SEC23A: variants seen among roughly 807,000 people sequenced by gnomAD.
SEC23A encodes the protein protein transport protein Sec23A.
In SEC23A, 56 loss-of-function variants were observed where a neutral mutation model predicts 103.7. The ratio of observed to expected loss-of-function variants is 0.54; its 90% CI spans 0.44 to 0.67. The LOEUF is 0.67. SEC23A is among the 30% of genes least tolerant of loss of function. SEC23A has a pLI of 0.00. For missense variants in SEC23A, 784 were observed against 936.4 expected (o/e 0.84, Z 2.12); for synonymous variants, 281 against 293.0 (o/e 0.96, Z 0.42).
intron 14 of SEC23A, among the ~76,000 whole-genome samples, chr14:39,053,287 T>C (rs1027336850): frequency 6.6e-6 from 1 of 152,334 alleles, no homozygotes; most frequent in African/African-American, 2.4e-5. Flanking sequence ...ATTGACGAGT[T>C]AACAGGTTTC....
intron 9 of SEC23A, among the ~76,000 whole-genome samples, chr14:39,070,704 A>G (rs1886813905): frequency 1.3e-5 from 2 of 152,188 alleles, no homozygotes; most frequent in African/African-American, 4.8e-5. Context: ...AATCTGATGA[A>G]ATCCACAGCT....
intron 7 of SEC23A, among the ~76,000 whole-genome samples, chr14:39,080,476 G>A (rs866060847): frequency 2.6e-5 from 4 of 152,040 alleles, no homozygotes; most frequent in Non-Finnish European, 5.9e-5. Context: ...ACATGATCTC[G>A]GCTCACTGCA....
At chr14:39,070,321 A>T (rs1886801854) in intron 9 of SEC23A, among the ~76,000 whole-genome samples, 2 of 152,218 alleles carry the variant, frequency 1.3e-5, no homozygotes, top group South Asian at 4.1e-4. Context: ...AGCCTAATTA[A>T]ATTATTTCAA....
chr14:39,071,630 C>A (rs376987909), intron 9 of SEC23A, among the ~76,000 whole-genome samples: 1 of 151,916 alleles, frequency 6.6e-6, no homozygotes, highest in East Asian at 1.9e-4. Flanking sequence ...TTTCGGAGGC[C>A]GAGGAAGGCA....
At chr14:39,090,039 T>C (rs552846677) in intron 5 of SEC23A, among the ~76,000 whole-genome samples, 59 of 152,300 alleles carry the variant, frequency 3.9e-4, no homozygotes, top group African/African-American at 1.1e-3. Context: ...CATTACTCAT[T>C]ATCCTCCCCA....
At chr14:39,046,194 C>T (rs1232956511) in intron 15 of SEC23A, among the ~76,000 whole-genome samples, 1 of 152,152 alleles carries the variant, frequency 6.6e-6, no homozygotes, top group Non-Finnish European at 1.5e-5. Flanking sequence ...CTTGGCTGGG[C>T]ATGGTGGCTC....
chr14:39,097,922 TAAAAACACACAAAAAA>T (rs1330999930), intron 1 of SEC23A, among the ~76,000 whole-genome samples: 2 of 151,812 alleles, frequency 1.3e-5, no homozygotes, highest in Non-Finnish European at 2.9e-5. Flanking sequence ...CCGTCTCTAC[TAAAAACACACAAAAAA>T]ATTAGCTGGG....
In SEC23A at chr14:39,085,689, T is replaced by TATACACAC. The variant is rs573160536; in HGVS notation, c.828+72_828+73insGTGTGTAT. ...TTCTTCTTATCCTTATAATTATATA[T>TATACACAC]ACACACACACACACACACACACACA... On this transcript the variant is annotated intron_variant, in intron 7 of 19. Transcript: ENST00000307712. 29,787 of 1,184,562 alleles carry TATACACAC rather than the reference T, an allele frequency of 0.025. 309 individuals carry two copies. Among genetic ancestry groups the TATACACAC allele is most frequent in the East Asian group, 0.13 (4,917 of 36,772 alleles). 73.4% of individuals were successfully genotyped at this position (1,184,562 alleles called of 1,614,324 possible). A position where few individuals can be genotyped will look rare whatever the true frequency, so the allele number is the denominator to read the frequency against.
In SEC23A at chr14:39,048,685, GA is replaced by G; in HGVS notation, c.1703del (p.Phe568SerfsTer17). The stretch of plus-strand genomic sequence containing the variant: ...AAAGGGAGAAAGTTTCTGAAAATCT[GA>G]AGGAACTTGGGTCATCTTTATGATA... Reference protein sequence around the residue: ...GEYHKDDPSSFRFSETFSLYP... With the variant: ...GEYHKDDPSSXRFSETFSLYP... On this transcript the variant is annotated frameshift_variant, in exon 15 of 20. Transcript: ENST00000307712. LOFTEE classifies it high-confidence loss of function. The G allele has an allele frequency of 6.3e-7, 1 of 1,594,804 alleles. No individual in the cohort carries two copies. Among genetic ancestry groups the G allele is most frequent in the Non-Finnish European group, 8.6e-7 (1 of 1,162,556 alleles).
intron 7 of SEC23A, among the ~76,000 whole-genome samples, chr14:39,076,770 AC>A (rs1887042059): frequency 6.6e-6 from 1 of 151,098 alleles, no homozygotes; most frequent in Admixed American, 6.6e-5. Flanking sequence ...TACTAAAAAT[AC>A]AAAAAATTAG....
intron 13 of SEC23A, among the ~76,000 whole-genome samples, chr14:39,057,293 G>A (rs896837890): frequency 1.9e-4 from 24 of 127,350 alleles, no homozygotes; most frequent in Middle Eastern, 3.7e-3. Context: ...GCGACAGAGC[G>A]AGACTTTGTC....
chr14:39,056,073 C>T (rs369932756), intron 13 of SEC23A, among the ~76,000 whole-genome samples: 1 of 152,358 alleles, frequency 6.6e-6, no homozygotes, highest in South Asian at 2.1e-4. Flanking sequence ...GAACCTGTCA[C>T]AGTTTAATTA....
intron 15 of SEC23A, 35 bp downstream of exon 15, chr14:39,048,612 AAAAAG>A (rs752900661): frequency 3.1e-5 from 42 of 1,347,908 alleles, no homozygotes; most frequent in Non-Finnish European, 4.1e-5. Flanking sequence ...AAAAAGGAAA[AAAAAG>A]AAAAGAAAAG....
At chr14:39,079,949 GATT>G (rs771337142) in intron 7 of SEC23A, among the ~76,000 whole-genome samples, 10 of 152,102 alleles carry the variant, frequency 6.6e-5, no homozygotes, top group Non-Finnish European at 1.5e-4. Flanking sequence ...CACAAGGTAT[GATT>G]ATTACTTCTA....
chr14:39,050,487 C>T (rs1187182761), intron 14 of SEC23A, among the ~76,000 whole-genome samples: 1 of 152,132 alleles, frequency 6.6e-6, no homozygotes, highest in Admixed American at 6.5e-5. Context: ...GGGAAAGTCC[C>T]AATAGTCTTA....
At chr14:39,076,596 T>C (rs530427518) in intron 7 of SEC23A, among the ~76,000 whole-genome samples, 1 of 151,882 alleles carries the variant, frequency 6.6e-6, no homozygotes, top group African/African-American at 2.4e-5. Flanking sequence ...TGTTTTACTT[T>C]TGTTTTTGAT....
rs1887424060 is a variant in SEC23A at position 39,085,814 on chromosome 14, C to T, written c.776G>A (p.Arg259Lys). 6.2e-7 allele frequency: 1 copy of T among 1,613,948 alleles called. No homozygotes were observed. Among genetic ancestry groups the T allele is most frequent in the Non-Finnish European group, 8.5e-7 (1 of 1,180,026 alleles). Residue 259 changes from arginine (R) to lysine (K), a missense_variant, in exon 7 of 20, where the codon AGA becomes AAA. Arg to Lys is a conservative substitution (Grantham distance 26, BLOSUM62 2). Transcript: ENST00000307712. ...RDPWPVPQGK[R>K]PLRSSGVALS... is the part of the protein sequence containing the mutation. Reference sequence around the variant, plus strand: ...TGCCACCCCAGAGGAACGCAAAGGTCTCTTTCCCTGTGGTACAGGCCAAGG... The same window carrying T: ...TGCCACCCCAGAGGAACGCAAAGGTTTCTTTCCCTGTGGTACAGGCCAAGG...
At chr14:39,097,243 C>T (rs978828285) in intron 1 of SEC23A, among the ~76,000 whole-genome samples, 4 of 152,130 alleles carry the variant, frequency 2.6e-5, no homozygotes, top group Non-Finnish European at 4.4e-5. Flanking sequence ...GGCTTTCCTA[C>T]GTAGGCAACA....
intron 14 of SEC23A, 27 bp from the exon 15 acceptor site, chr14:39,048,756 T>C (rs757876112): frequency 1.3e-5 from 17 of 1,259,270 alleles, no homozygotes; most frequent in Middle Eastern, 2.0e-4. Context: ...GTGTTAGTAA[T>C]TTATTTCCTG....
Sources: allele counts gnomAD v4.1 joint callset (sites outside exome capture counted in the v4.1 genomes callset), GRCh38; gene constraint gnomAD v4.1.1; transcripts MANE v1.5; gene names NCBI Gene and HGNC (gene_info 2026-07-23, HGNC 2026-07-21).